FGGY: variants seen among roughly 807,000 people sequenced by gnomAD.
The protein encoded by FGGY is FGGY carbohydrate kinase domain containing, also known as FGGY carbohydrate kinase domain-containing protein.
Under a neutral mutation model 71.3 loss-of-function variants are expected in FGGY, and 72 were observed. The observed-to-expected ratio is 1.01, with a 90% CI of 0.84 to 1.23. FGGY has a LOEUF of 1.23. Ranked by LOEUF, FGGY falls within the 50% of genes most tolerant of loss-of-function variation. The pLI is 0.00. For missense variants in FGGY, 668 were observed against 682.3 expected, an observed-to-expected ratio of 0.98 and a Z score of 0.23; for synonymous variants, 251 against 250.3, an observed-to-expected ratio of 1.00 and a Z score of -0.02.
intron 14 of FGGY, among the ~76,000 whole-genome samples, chr1:59,731,741 T>A (rs1461597969): frequency 6.6e-6 from 1 of 152,098 alleles, no homozygotes. Flanking sequence ...GATTTCTGGA[T>A]TGGATAAAGT....
At chr1:59,688,810 C>T (rs952950400) in intron 14 of FGGY, among the ~76,000 whole-genome samples, 21 of 150,766 alleles carry the variant, frequency 1.4e-4, no homozygotes, top group African/African-American at 2.4e-4. Context: ...AGTGCAGTGG[C>T]GCAATCTTGG....
At chr1:59,648,111 G>C (rs1355236431) in intron 11 of FGGY, among the ~76,000 whole-genome samples, 2 of 112,146 alleles carry the variant, frequency 1.8e-5, no homozygotes, top group African/African-American at 8.7e-5. Context: ...GTATTCCATG[G>C]TGTATATGTG....
chr1:59,761,110 A>T (rs537164027), intron 15 of FGGY, among the ~76,000 whole-genome samples: 1 of 152,314 alleles, frequency 6.6e-6, no homozygotes, highest in South Asian at 2.1e-4. Flanking sequence ...TTTAATCTAC[A>T]ACAGCTCTGC....
At chr1:59,374,319 G>T (rs1172094688) in intron 4 of FGGY, among the ~76,000 whole-genome samples, 2 of 152,172 alleles carry the variant, frequency 1.3e-5, no homozygotes, top group African/African-American at 4.8e-5. Flanking sequence ...ACCATCACTG[G>T]CCATCAGAGA....
intron 5 of FGGY, among the ~76,000 whole-genome samples, chr1:59,436,993 T>C (rs1453979003): frequency 6.6e-6 from 1 of 152,160 alleles, no homozygotes; most frequent in Non-Finnish European, 1.5e-5. Context: ...CATTGTTAAT[T>C]AGAGCAGAGG....
intron 4 of FGGY, among the ~76,000 whole-genome samples, chr1:59,377,092 G>A (rs1483882030): frequency 1.3e-5 from 2 of 152,300 alleles, no homozygotes; most frequent in African/African-American, 4.8e-5. Context: ...AAGGGGATGA[G>A]AGTTAAGTAG....
intron 14 of FGGY, among the ~76,000 whole-genome samples, chr1:59,711,178 A>C (rs1321935978): frequency 6.6e-6 from 1 of 152,184 alleles, no homozygotes; most frequent in African/African-American, 2.4e-5. Context: ...ATTCTCAGCA[A>C]ACTAACACAG....
chr1:59,403,816 C>A (rs987288784), intron 5 of FGGY, among the ~76,000 whole-genome samples: 2 of 152,138 alleles, frequency 1.3e-5, no homozygotes, highest in African/African-American at 4.8e-5. Context: ...GGCTGTAAGC[C>A]CCGGCCTCTC....
At chr1:59,496,752 T>A (rs1286266205) in intron 6 of FGGY, among the ~76,000 whole-genome samples, 2 of 152,106 alleles carry the variant, frequency 1.3e-5, no homozygotes, top group Non-Finnish European at 2.9e-5. Context: ...ATTAAAAAAA[T>A]GTCTACAATC....
intron 6 of FGGY, among the ~76,000 whole-genome samples, chr1:59,475,096 G>C (rs1035552524): frequency 9.9e-5 from 15 of 152,104 alleles, no homozygotes; most frequent in Non-Finnish European, 2.1e-4. Flanking sequence ...ATAACCCCTT[G>C]AATAATCCCA....
chr1:59,507,496 CTG>C (rs928596268), intron 6 of FGGY, among the ~76,000 whole-genome samples: 1 of 151,924 alleles, frequency 6.6e-6, no homozygotes, highest in African/African-American at 2.4e-5. Flanking sequence ...TTTCTTTACA[CTG>C]TGTGTTTATC....
chr1:59,613,915 C>A (rs535097781), intron 9 of FGGY, among the ~76,000 whole-genome samples: 116 of 152,300 alleles, frequency 7.6e-4, no homozygotes, highest in Non-Finnish European at 1.3e-3. Flanking sequence ...GGATAAATTC[C>A]TGGACACATA....
At chr1:59,608,322 C>T (rs2096643271) in intron 9 of FGGY, among the ~76,000 whole-genome samples, 2 of 152,162 alleles carry the variant, frequency 1.3e-5, no homozygotes, top group Non-Finnish European at 2.9e-5. Flanking sequence ...ACACATGTGC[C>T]TGTAATTTAC....
chr1:59,336,557 A>T (rs146516704), intron 2 of FGGY, among the ~76,000 whole-genome samples: 2,423 of 149,412 alleles, frequency 0.016, 31 homozygotes, highest in East Asian at 0.051. Context: ...TACATGTGCC[A>T]TGGTGGTTTG....
chr1:59,531,691 G>C (rs868766112), intron 7 of FGGY, among the ~76,000 whole-genome samples: 1 of 152,182 alleles, frequency 6.6e-6, no homozygotes, highest in Non-Finnish European at 1.5e-5. Context: ...ACACCAGTTT[G>C]GGCAGTCTGC....
intron 8 of FGGY, among the ~76,000 whole-genome samples, chr1:59,591,734 A>G (rs2096443648): frequency 6.6e-6 from 1 of 152,244 alleles, no homozygotes; most frequent in Non-Finnish European, 1.5e-5. Flanking sequence ...CTGGCTAGCC[A>G]TATGTAGAAA....
At chr1:59,472,249 G>A (rs1367308873) in intron 6 of FGGY, among the ~76,000 whole-genome samples, 1 of 152,232 alleles carries the variant, frequency 6.6e-6, no homozygotes, top group East Asian at 1.9e-4. Context: ...CCGGCCCAGG[G>A]CAGTGAGGGG....
intron 7 of FGGY, among the ~76,000 whole-genome samples, chr1:59,538,681 C>T (rs938992868): frequency 6.6e-6 from 1 of 151,972 alleles, no homozygotes; most frequent in African/African-American, 2.4e-5. Context: ...AGGATGAGTT[C>T]ATGTCCTTTG....
At chr1:59,637,947 T>C (rs982877877) in intron 10 of FGGY, among the ~76,000 whole-genome samples, 2 of 152,162 alleles carry the variant, frequency 1.3e-5, no homozygotes, top group Admixed American at 6.5e-5. Flanking sequence ...GAGAAGAGGG[T>C]GGTTCAGAAA....
Sources: gnomAD v4.1 joint callset for allele counts (sites outside exome capture counted in the v4.1 genomes callset) on GRCh38, gnomAD v4.1.1 for gene constraint, MANE v1.5 for transcripts, NCBI Gene and HGNC (gene_info 2026-07-23, HGNC 2026-07-21) for gene names.